ESRRB: variants seen among roughly 807,000 people sequenced by gnomAD.
ESRRB encodes estrogen related receptor beta.
In ESRRB, 16 loss-of-function variants were observed where a neutral mutation model predicts 46.0. The ratio of observed to expected loss-of-function variants is 0.35; its 90% CI spans 0.24 to 0.53. ESRRB has a LOEUF of 0.53. Ranked by LOEUF, ESRRB falls within the 20% of genes least tolerant of loss-of-function variation. The pLI is 0.93. For missense variants in ESRRB, 488 were observed against 607.4 expected (o/e 0.80, Z 2.07); for synonymous variants, 246 against 259.6 (o/e 0.95, Z 0.50).
chr14:76,487,921 C>G (rs2140043039), intron 5 of ESRRB, among the ~76,000 whole-genome samples: 1 of 152,248 alleles, frequency 6.6e-6, no homozygotes, highest in South Asian at 2.1e-4. Context: ...AAATTTCTAG[C>G]AGTAGAATTG....
At chr14:76,340,847 G>A (rs1038669431) in intron 1 of ESRRB, among the ~76,000 whole-genome samples, 1 of 152,198 alleles carries the variant, frequency 6.6e-6, no homozygotes, top group African/African-American at 2.4e-5. Flanking sequence ...GGTGATGGAA[G>A]AGGAATATGC....
chr14:76,470,484 A>G (rs1889335693), intron 3 of ESRRB, among the ~76,000 whole-genome samples: 1 of 152,146 alleles, frequency 6.6e-6, no homozygotes, highest in African/African-American at 2.4e-5. Flanking sequence ...GAAGGAGGAA[A>G]AGCTCCATGT....
intron 3 of ESRRB, among the ~76,000 whole-genome samples, chr14:76,467,139 C>T (rs1348954058): frequency 2.0e-5 from 3 of 152,144 alleles, no homozygotes; most frequent in Non-Finnish European, 4.4e-5. Context: ...TGGGACAGCT[C>T]CTCTTGGCAG....
rs1361433255 is a variant in ESRRB, at chr14:76,332,827, T to TA, written c.2+21911_2+21912insA. Among the ~76,000 whole-genome samples the TA allele has an allele frequency of 0.023, 277 of 11,888 alleles. 17 individuals are homozygous for TA. The Middle Eastern group carries it at 0.25, about 11-fold the overall frequency. 7.8% of individuals were successfully genotyped at this position (11,888 alleles called of 152,430 possible). On this transcript the variant is annotated intron_variant, in intron 1 of 6. Transcript: ENST00000512784. ...TATTTATATATTATATATTTATATA[T>TA]TTATATATTATATATTTATATATTA...
chr14:76,469,685 T>C (rs1889275433), intron 3 of ESRRB, among the ~76,000 whole-genome samples: 1 of 151,964 alleles, frequency 6.6e-6, no homozygotes. Flanking sequence ...AAAAACAAAA[T>C]TAAATTTAAA....
intron 1 of ESRRB, among the ~76,000 whole-genome samples, chr14:76,363,287 T>C (rs1884485605): frequency 6.6e-6 from 1 of 152,178 alleles, no homozygotes; most frequent in Admixed American, 6.5e-5. Flanking sequence ...ACCTCCTAAT[T>C]TCTTGGGTGT....
rs1884419181 is a variant in ESRRB, at chr14:76,358,375, GAA to G, written c.2+47461_2+47462del. ...AGAAAGAAAGAAAGAAAGAAAGAAA[GAA>G]AGAAAGAAAGAAAGAAAGAAAGAAA... is the stretch of plus-strand genomic sequence containing the variant. On this transcript the variant is annotated intron_variant, in intron 1 of 6. Transcript: ENST00000512784. Among the ~76,000 whole-genome samples, 16 of 65,158 alleles carry G rather than the reference GAA, an allele frequency of 2.5e-4. 3 individuals are homozygous for G. The highest frequency in any genetic ancestry group is 1.0e-3 in the Admixed American group (6 of 6,014). 42.7% of individuals were successfully genotyped at this position (65,158 alleles called of 152,430 possible).
Position 76,500,572 on chromosome 14 carries a change from A to T in ESRRB, c.*2114A>T. ...TGCTTTGGGACTCCCTCAGTCTCTC[A>T]CTGTGCTGTGTCCTTGCAGCGGGGC... On this transcript the variant is annotated 3_prime_UTR_variant, in exon 7 of 7. Coordinates refer to ENST00000644823, the MANE Select transcript of ESRRB (RefSeq NM_001379180.1). 1 of 938,874 alleles carries T rather than the reference A, an allele frequency of 1.1e-6. No individual in the cohort carries two copies. Among genetic ancestry groups the T allele is most frequent in the Non-Finnish European group, 1.7e-6 (1 of 574,992 alleles). 58.2% of individuals were successfully genotyped at this position (938,874 alleles called of 1,614,324 possible). A position where few individuals can be genotyped will look rare whatever the true frequency, so the allele number is the denominator to read the frequency against.
chr14:76,328,749 C>G (rs1415572061), intron 1 of ESRRB, among the ~76,000 whole-genome samples: 1 of 152,122 alleles, frequency 6.6e-6, no homozygotes, highest in African/African-American at 2.4e-5. Flanking sequence ...CCTCATGCCT[C>G]CTCTTGCAGA....
intron 1 of ESRRB, among the ~76,000 whole-genome samples, chr14:76,334,330 C>CT (rs1465445241): frequency 6.6e-6 from 1 of 152,080 alleles, no homozygotes; most frequent in African/African-American, 2.4e-5. Context: ...AGAGAGAACT[C>CT]TAAGGGCCGA....
At chr14:76,415,480 TA>T (rs1216922952) in intron 1 of ESRRB, among the ~76,000 whole-genome samples, 1 of 151,870 alleles carries the variant, frequency 6.6e-6, no homozygotes, top group Non-Finnish European at 1.5e-5. Context: ...GCCAACGTGG[TA>T]AAACCCTGTC....
chr14:76,453,799 A>G (rs2139969501), intron 2 of ESRRB, among the ~76,000 whole-genome samples: 1 of 152,060 alleles, frequency 6.6e-6, no homozygotes, highest in South Asian at 2.1e-4. Flanking sequence ...TTTGGTAGAG[A>G]TGGGGTTTCA....
chr14:76,351,379 G>C (rs1186387197), intron 1 of ESRRB, among the ~76,000 whole-genome samples: 1 of 152,054 alleles, frequency 6.6e-6, no homozygotes, highest in African/African-American at 2.4e-5. Flanking sequence ...CACTTATGGT[G>C]GTTGCTGGCA....
chr14:76,327,928 G>A (rs61981696), intron 1 of ESRRB, among the ~76,000 whole-genome samples: 19,372 of 151,812 alleles, frequency 0.13, 1,450 homozygotes, highest in Non-Finnish European at 0.16. Flanking sequence ...TGGCCAGGCT[G>A]GTCTCGAACT....
chr14:76,333,449 G>GATATATTTATATATGATATATTTA (rs1566854142), intron 1 of ESRRB, among the ~76,000 whole-genome samples: 1 of 46,244 alleles, frequency 2.2e-5, no homozygotes, highest in Non-Finnish European at 3.7e-5. Context: ...TGATATATAA[G>GATATATTTATATATGATATATTTA]TATATCATAT....
intron 1 of ESRRB, chr14:76,407,454 T>TTTGAGAGGACTTCAGGTCTTGGCCCCA (rs1886240128): frequency 1.2e-6 from 1 of 826,572 alleles, no homozygotes; most frequent in African/African-American, 1.9e-5. Context: ...GCCACCAGGC[T>TTTGAGAGGACTTCAGGTCTTGGCCCCA]AAATCCTCTG....
At chr14:76,496,671 G>T (rs1472620831) in intron 6 of ESRRB, among the ~76,000 whole-genome samples, 1 of 152,180 alleles carries the variant, frequency 6.6e-6, no homozygotes, top group African/African-American at 2.4e-5. Context: ...GGTGCCAGGA[G>T]ACCATTGAGG....
chr14:76,434,503 T>G (rs147767576), intron 1 of ESRRB, among the ~76,000 whole-genome samples: 20 of 150,832 alleles, frequency 1.3e-4, no homozygotes, highest in Middle Eastern at 3.4e-3. Context: ...AAAAACAGAA[T>G]ACAAAAATTA....
chr14:76,311,160 G>A (rs1883728547), intron 1 of ESRRB, among the ~76,000 whole-genome samples: 1 of 152,098 alleles, frequency 6.6e-6, no homozygotes, highest in Non-Finnish European at 1.5e-5. Flanking sequence ...ATGGCTAGGT[G>A]GGACGGTGAC....
Sources: allele counts gnomAD v4.1 joint callset (sites outside exome capture counted in the v4.1 genomes callset), GRCh38; gene constraint gnomAD v4.1.1; transcripts MANE v1.5; gene names NCBI Gene and HGNC (gene_info 2026-07-23, HGNC 2026-07-21).